STOX2: variants seen among roughly 807,000 people sequenced by gnomAD.
STOX2 encodes storkhead-box protein 2.
A neutral mutation model predicts 60.9 loss-of-function variants in STOX2; 28 were observed. The observed-to-expected ratio is 0.46, with a 90% CI of 0.34 to 0.63. STOX2 has a LOEUF of 0.63. STOX2 is among the 30% of genes least tolerant of loss of function. The pLI is 0.01. For missense variants in STOX2, 1,024 were observed against 1,187.7 expected, an observed-to-expected ratio of 0.86 and a Z score of 2.03; for synonymous variants, 472 against 463.9, an observed-to-expected ratio of 1.02 and a Z score of -0.22.
intron 1 of STOX2, among the ~76,000 whole-genome samples, chr4:183,971,136 A>G (rs1290802052): frequency 6.6e-6 from 1 of 152,166 alleles, no homozygotes; most frequent in Non-Finnish European, 1.5e-5. Context: ...TCATGTTCAT[A>G]TAGTAGACAA....
rs565209355 is a variant in STOX2, at chr4:183,806,520, C to T, written c.364+8465C>T. Among the ~76,000 whole-genome samples the T allele has an allele frequency of 6.6e-6, 1 of 152,142 alleles. No individual in the cohort carries two copies. Among genetic ancestry groups the T allele is most frequent in the African/African-American group, 2.4e-5 (1 of 41,442 alleles). ...TGCAGCCTTCTGTCTTCACTGTGAACCCCGGGATACTGCGGCGGTGCTGGC... is the reference window on the plus strand; with the variant it reads ...TGCAGCCTTCTGTCTTCACTGTGAATCCCGGGATACTGCGGCGGTGCTGGC... On this transcript the variant is annotated intron_variant, in intron 1 of 2. Coordinates refer to the STOX2 transcript ENST00000513034. The surrounding 1 kb of genome is among the most constrained non-coding windows in gnomAD (Gnocchi z 4.1).
rs534197558 is a variant in STOX2, at chr4:183,948,485, C to T, written c.166+41529C>T. Among the ~76,000 whole-genome samples, 55 of 3,674 alleles carry T rather than the reference C, an allele frequency of 0.015. 1 individual carries two copies. The East Asian group carries it at 0.22, about 14-fold the overall frequency. The allele number at this position is 3,674 out of a possible 152,430, so 2.4% of individuals were successfully genotyped here. On this transcript the variant is annotated intron_variant, in intron 1 of 3. Transcript: ENST00000308497. ...GGCAGGGATCCAGGTGCTCTTGGGG[C>T]TCTTTCTCTAATATGCAGCCTTTGG...
intron 1 of STOX2, among the ~76,000 whole-genome samples, chr4:183,816,853 G>A (rs73008732): frequency 0.017 from 2,551 of 152,276 alleles, 58 homozygotes; most frequent in African/African-American, 0.058. Context: ...GAAAATTAGC[G>A]TATTTTTGTG....
intron 1 of STOX2, chr4:183,798,139 C>A: frequency 8.4e-7 from 1 of 1,188,902 alleles, no homozygotes; most frequent in Non-Finnish European, 1.0e-6. Flanking sequence ...CCCGCCCTGC[C>A]CCAGCCCGCC....
At chr4:183,839,013 ACGCG>A (rs576428266) in intron 1 of STOX2, among the ~76,000 whole-genome samples, 7 of 149,542 alleles carry the variant, frequency 4.7e-5, no homozygotes, top group African/African-American at 1.3e-4. Context: ...GTACACGTGC[ACGCG>A]CGCGCGCACA....
chr4:183,917,857 T>C (rs899083122), intron 1 of STOX2, among the ~76,000 whole-genome samples: 1 of 152,272 alleles, frequency 6.6e-6, no homozygotes, highest in Admixed American at 6.5e-5. Flanking sequence ...ACTTGCTGGC[T>C]GTGAAATCCT....
chr4:183,973,208 T>C (rs578129624), intron 1 of STOX2, among the ~76,000 whole-genome samples: 20 of 152,320 alleles, frequency 1.3e-4, no homozygotes, highest in Admixed American at 6.5e-4. Context: ...AGACGTAAGC[T>C]TTTAAATTTA....
chr4:183,910,840 G>A (rs950041467), intron 1 of STOX2, among the ~76,000 whole-genome samples: 3 of 152,182 alleles, frequency 2.0e-5, no homozygotes, highest in South Asian at 2.1e-4. Flanking sequence ...GGGGAAGAAT[G>A]GCCAGCTCAT....
Position 183,806,215 on chromosome 4 carries a change from T to C in STOX2, c.364+8160T>C, listed in dbSNP as rs770476481. Among the ~76,000 whole-genome samples the C allele has an allele frequency of 3.3e-5, 5 of 152,224 alleles. No individual in the cohort carries two copies. The highest frequency in any genetic ancestry group is 6.5e-5 in the Admixed American group (1 of 15,292). On this transcript the variant is annotated intron_variant, in intron 1 of 2. Transcript: ENST00000513034. The surrounding 1 kb of genome is among the most constrained non-coding windows in gnomAD (Gnocchi z 4.1). The stretch of plus-strand genomic sequence containing the variant: ...TTTTCCCAATTTATTGTGAAGGCCC[T>C]GTAATAATTTTCTAAAGTGACAGCC...
intron 1 of STOX2, among the ~76,000 whole-genome samples, chr4:183,962,157 T>C (rs1428164780): frequency 6.6e-6 from 1 of 152,226 alleles, no homozygotes. Context: ...AATGACTCAG[T>C]TTGCATAAGA....
At chr4:183,808,034 C>T (rs1488048468) in intron 1 of STOX2, among the ~76,000 whole-genome samples, 1 of 152,196 alleles carries the variant, frequency 6.6e-6, no homozygotes, top group Admixed American at 6.5e-5. Flanking sequence ...AGATGGACCC[C>T]ACATTACACC....
Position 184,009,068 on chromosome 4 carries a change from C to T in STOX2, c.320-90C>T. On this transcript the variant is annotated intron_variant, in intron 2 of 3. Transcript: ENST00000308497. This position sits in a 1 kb window ranked among gnomAD's most constrained non-coding sequence, Gnocchi z 4.0. ...ATCCTAGCTCTGTGATGGTACTTCG[C>T]ATCTTGGCGAATGAATAGGATCCTG... 9.9e-7 allele frequency: 1 copy of T among 1,012,704 alleles called. No homozygotes were observed. The highest frequency in any genetic ancestry group is 1.4e-6 in the Non-Finnish European group (1 of 701,006). 62.7% of individuals were successfully genotyped at this position (1,012,704 alleles called of 1,614,324 possible).
At chr4:183,829,894 T>C (rs1186765311) in intron 1 of STOX2, among the ~76,000 whole-genome samples, 1 of 152,220 alleles carries the variant, frequency 6.6e-6, no homozygotes, top group Non-Finnish European at 1.5e-5. Flanking sequence ...AAGTGAACAC[T>C]TACTGAGCAT....
chr4:183,846,050 C>T (rs1739982773), intron 1 of STOX2, among the ~76,000 whole-genome samples: 1 of 152,160 alleles, frequency 6.6e-6, no homozygotes, highest in Non-Finnish European at 1.5e-5. Context: ...ATTTCTTCTT[C>T]AATTTTGAAG....
In STOX2 at chr4:183,956,866, A is replaced by G. The variant is rs150673423; in HGVS notation, c.167-44459A>G. On this transcript the variant is annotated intron_variant, in intron 1 of 3. Transcript: ENST00000308497. ...TGATTTTTTCGAGCATTACAGGCCAATTGTTTTGCAGAATATTCCTCAGTT... is the reference window on the plus strand; with the variant it reads ...TGATTTTTTCGAGCATTACAGGCCAGTTGTTTTGCAGAATATTCCTCAGTT... 3.6e-3 allele frequency among the ~76,000 whole-genome samples: 549 copies of G among 151,902 alleles called. 16 individuals carry two copies. Among genetic ancestry groups the G allele is most frequent in the Admixed American group, 0.03 (458 of 15,262 alleles).
intron 1 of STOX2, among the ~76,000 whole-genome samples, chr4:183,866,203 C>T (rs2111158944): frequency 6.6e-6 from 1 of 152,264 alleles, no homozygotes; most frequent in Non-Finnish European, 1.5e-5. Context: ...CACCCCTCTG[C>T]CCCTTCTCTT....
chr4:183,927,257 C>T (rs1051293430), intron 1 of STOX2, among the ~76,000 whole-genome samples: 16 of 152,208 alleles, frequency 1.1e-4, no homozygotes, highest in Non-Finnish European at 1.8e-4. Context: ...GCTGTGTAGC[C>T]TGGCCCCCAT....
chr4:183,996,342 G>A (rs9998955), intron 1 of STOX2, among the ~76,000 whole-genome samples: 4 of 152,164 alleles, frequency 2.6e-5, no homozygotes, highest in East Asian at 1.9e-4. Flanking sequence ...ATGAGTTGTC[G>A]TTATGAATGT....
intron 1 of STOX2, among the ~76,000 whole-genome samples, chr4:183,822,455 A>G (rs1739323364): frequency 6.6e-6 from 1 of 152,226 alleles, no homozygotes; most frequent in Non-Finnish European, 1.5e-5. Context: ...ACCATCATGT[A>G]GAATCAGTGG....
Sources: allele counts gnomAD v4.1 joint callset (sites outside exome capture counted in the v4.1 genomes callset), GRCh38; gene constraint gnomAD v4.1.1; non-coding constraint Gnocchi (gnomAD v3.1); transcripts MANE v1.5; gene names NCBI Gene and HGNC (gene_info 2026-07-23, HGNC 2026-07-21).